The following GPR63 variants were observed in gnomAD, a reference collection of about 807,000 sequenced individuals.
The protein encoded by GPR63 is G protein-coupled receptor 63.
In GPR63, 12 loss-of-function variants were observed where a neutral mutation model predicts 23.1. That is an observed-to-expected ratio of 0.52 (90% CI 0.33 to 0.84). GPR63 has a LOEUF of 0.84. Among genes scored for constraint, GPR63 ranks in the 40% least tolerant of loss-of-function variants. The pLI is 0.02. For missense variants in GPR63, 472 were observed against 515.6 expected, an observed-to-expected ratio of 0.92 and a Z score of 0.82; for synonymous variants, 172 against 191.1, an observed-to-expected ratio of 0.90 and a Z score of 0.82.
intron 1 of GPR63, among the ~76,000 whole-genome samples, chr6:96,817,132 C>A (rs9400328): frequency 0.23 from 34,488 of 151,764 alleles, 4,547 homozygotes; most frequent in East Asian, 0.37. Flanking sequence ...ATTTAAATGG[C>A]AACAAATTGA....
intron 1 of GPR63, among the ~76,000 whole-genome samples, chr6:96,815,270 G>C (rs1392552821): frequency 6.6e-6 from 1 of 152,120 alleles, no homozygotes; most frequent in Non-Finnish European, 1.5e-5. Flanking sequence ...ACATCACAAA[G>C]GAGAATTTGA....
chr6:96,827,451 G>A (rs1774472005), intron 1 of GPR63, among the ~76,000 whole-genome samples: 1 of 152,068 alleles, frequency 6.6e-6, no homozygotes, highest in Non-Finnish European at 1.5e-5. Flanking sequence ...TAAAATTAAT[G>A]AGAAAATATT....
chr6:96,836,874 C>G (rs989312379), intron 1 of GPR63, among the ~76,000 whole-genome samples: 1 of 152,102 alleles, frequency 6.6e-6, no homozygotes, highest in African/African-American at 2.4e-5. Context: ...AGCTCATCTC[C>G]TTCCTCTCAC....
chr6:96,810,481 C>A (rs563879122), intron 1 of GPR63, among the ~76,000 whole-genome samples: 1 of 143,644 alleles, frequency 7.0e-6, no homozygotes, highest in Non-Finnish European at 1.5e-5. Context: ...GGCGACAGTG[C>A]GAGACTCCGT....
At position 96,796,873 on chromosome 6, in the gene GPR63, T is replaced by G. The variant is rs1773592856; in HGVS notation, c.*1599A>C. 6.6e-6 allele frequency: 1 copy of G among 152,260 alleles called. No individual in the cohort carries two copies. The highest frequency in any genetic ancestry group is 6.5e-5 in the Admixed American group (1 of 15,284). 9.4% of individuals were successfully genotyped at this position (152,260 alleles called of 1,614,324 possible). ...CAAAAAAAAAAATCACTGGTTTTGC[T>G]TCACAGCCTTATTTATCTAAGATTT... On this transcript the variant is annotated 3_prime_UTR_variant, in exon 2 of 2. Transcript: ENST00000229955.
rs533345336 is a variant in GPR63 at position 96,800,705 on chromosome 6, A to T, written c.-150-824T>A. Among the ~76,000 whole-genome samples the T allele has an allele frequency of 2.6e-4, 39 of 152,224 alleles. 1 individual carries two copies. In the South Asian group the frequency reaches 7.7e-3, roughly 30 times the overall value. On this transcript the variant is annotated intron_variant, in intron 1 of 1. Transcript: ENST00000229955. ...TTCTCTCCCAAGTCCACTGACTTTCATCCTTTCTTTTCTGATATGTATACA... is the reference window on the plus strand; with the variant it reads ...TTCTCTCCCAAGTCCACTGACTTTCTTCCTTTCTTTTCTGATATGTATACA...
chr6:96,794,213 T>C lies in GPR63; in HGVS notation c.*4259A>G, dbSNP rs1773523879. The C allele has an allele frequency of 1.3e-5, 2 of 152,258 alleles. No homozygotes were observed. The highest frequency in any genetic ancestry group is 4.8e-5 in the African/African-American group (2 of 41,578). 9.4% of individuals were successfully genotyped at this position (152,258 alleles called of 1,614,324 possible). A position where few individuals can be genotyped will look rare whatever the true frequency, so the allele number is the denominator to read the frequency against. ...GCACAAATAACCATATTTTTCGATATTTAAATATTAGAACCCATAATTCAA... is the reference window on the plus strand; with the variant it reads ...GCACAAATAACCATATTTTTCGATACTTAAATATTAGAACCCATAATTCAA... On this transcript the variant is annotated 3_prime_UTR_variant, in exon 2 of 2. Transcript: ENST00000229955.
rs139651777 is a variant in GPR63 at position 96,799,126 on chromosome 6, A to G, written c.606T>C (p.Ser202=). Residue 202 remains serine, a synonymous_variant, in exon 2 of 2, where the codon TCT becomes TCC. Transcript: ENST00000229955. ...AAGCTACACAAAAGGAAGTTGCCCA[A>G]GAAACTGCAATCAGAACCTTAGCTC... The part of the protein sequence containing the change: ...PYRAKVLIAV[S]WATSFCVAFP... 3 of 1,614,200 alleles carry G rather than the reference A, an allele frequency of 1.9e-6. No individual in the cohort carries two copies. Among genetic ancestry groups the G allele is most frequent in the East Asian group, 2.2e-5 (1 of 44,886 alleles).
chr6:96,800,821 G>C (rs1464987295), intron 1 of GPR63, among the ~76,000 whole-genome samples: 1 of 152,176 alleles, frequency 6.6e-6, no homozygotes, highest in African/African-American at 2.4e-5. Flanking sequence ...AACAAAGATA[G>C]AGATGTTAAA....
chr6:96,834,874 T>G (rs548542539), intron 1 of GPR63, among the ~76,000 whole-genome samples: 2 of 152,286 alleles, frequency 1.3e-5, no homozygotes, highest in African/African-American at 2.4e-5. Flanking sequence ...AAGACATCAT[T>G]TCACAAATTG....
At chr6:96,811,890 A>G (rs1225359815) in intron 1 of GPR63, among the ~76,000 whole-genome samples, 1 of 149,352 alleles carries the variant, frequency 6.7e-6, no homozygotes, top group Non-Finnish European at 1.5e-5. Context: ...ATAAATAAAT[A>G]AAATAAAAGG....
At chr6:96,809,740 G>A (rs1338743027) in intron 1 of GPR63, among the ~76,000 whole-genome samples, 5 of 152,094 alleles carry the variant, frequency 3.3e-5, no homozygotes, top group Admixed American at 2.0e-4. Context: ...TAAGGATGTC[G>A]AAAGTAGAGA....
intron 1 of GPR63, among the ~76,000 whole-genome samples, chr6:96,830,107 C>A (rs1404223317): frequency 6.6e-6 from 1 of 152,022 alleles, no homozygotes; most frequent in Non-Finnish European, 1.5e-5. Context: ...AAAATAACCA[C>A]ACAAAGAGGG....
chr6:96,815,151 T>C (rs1774132156), intron 1 of GPR63, among the ~76,000 whole-genome samples: 1 of 152,232 alleles, frequency 6.6e-6, no homozygotes, highest in African/African-American at 2.4e-5. Context: ...CACTCACCAT[T>C]TATATGAATG....
chr6:96,816,392 A>C (rs183402544), intron 1 of GPR63, among the ~76,000 whole-genome samples: 1 of 152,296 alleles, frequency 6.6e-6, no homozygotes, highest in African/African-American at 2.4e-5. Context: ...ATTCCTAGAG[A>C]GCCTTAAAAA....
chr6:96,806,617 T>G (rs1387653685), intron 1 of GPR63, among the ~76,000 whole-genome samples: 2 of 152,212 alleles, frequency 1.3e-5, no homozygotes, highest in African/African-American at 4.8e-5. Flanking sequence ...GGAACAAAGC[T>G]ATGGAACATG....
chr6:96,820,285 G>A (rs9386855), intron 1 of GPR63, among the ~76,000 whole-genome samples: 42,325 of 151,924 alleles, frequency 0.28, 6,224 homozygotes, highest in African/African-American at 0.37. Flanking sequence ...AACAAAATAA[G>A]GTATTTAGAC....
chr6:96,833,130 A>G (rs1774633453), intron 1 of GPR63, among the ~76,000 whole-genome samples: 1 of 152,192 alleles, frequency 6.6e-6, no homozygotes, highest in African/African-American at 2.4e-5. Context: ...TGCTTCAAAT[A>G]CAGGGGAAAT....
At chr6:96,819,974 C>CAAAAAA (rs367728329) in intron 1 of GPR63, among the ~76,000 whole-genome samples, 20 of 85,204 alleles carry the variant, frequency 2.3e-4, no homozygotes, top group African/African-American at 5.4e-4. Context: ...GACTCTGTCT[C>CAAAAAA]AAAAAAAAAA....
Sources: gnomAD v4.1 joint callset for allele counts (sites outside exome capture counted in the v4.1 genomes callset) on GRCh38, gnomAD v4.1.1 for gene constraint, MANE v1.5 for transcripts, NCBI Gene and HGNC (gene_info 2026-07-23, HGNC 2026-07-21) for gene names.